C16orf89: variants seen among roughly 807,000 people sequenced by gnomAD.
C16orf89 encodes chromosome 16 open reading frame 89, also known as UPF0764 protein C16orf89.
C16orf89 carries 57 observed loss-of-function variants against 41.5 expected under a neutral mutation model. That is an observed-to-expected ratio of 1.38 (90% CI 1.11 to 1.71). The LOEUF (loss-of-function observed/expected upper bound fraction) is 1.71. Ranked by LOEUF, C16orf89 falls within the 40% of genes most tolerant of loss-of-function variation. The probability of loss-of-function intolerance (pLI) is 0.00; values close to 1 mark genes in which losing one functional copy is unlikely to be tolerated. For synonymous variants in C16orf89, 223 were observed against 190.6 expected (o/e 1.17, Z -1.40); for missense variants, 575 against 445.9 (o/e 1.29, Z -2.61).
chr16:5,054,419 C>A (rs1297554086), intron 6 of C16orf89, among the ~76,000 whole-genome samples: 1 of 152,180 alleles, frequency 6.6e-6, no homozygotes, highest in Non-Finnish European at 1.5e-5. Flanking sequence ...TGTAGTTGTT[C>A]CCAGTCACCC....
At chr16:5,056,258 A>T in intron 4 of C16orf89, 70 bp from the exon 5 acceptor site, 1 of 1,449,748 alleles carries the variant, frequency 6.9e-7, no homozygotes, top group South Asian at 1.3e-5. Context: ...CTGCTATGGG[A>T]AAGTCTTGCA....
intron 5 of C16orf89, 34 bp from the exon 6 acceptor site, chr16:5,055,384 G>A: frequency 4.6e-6 from 7 of 1,518,500 alleles, no homozygotes; most frequent in East Asian, 2.4e-5. Context: ...CTGCAGGCCT[G>A]CCCCCCAGGC....
chr16:5,062,655 C>T lies in C16orf89; in HGVS notation c.209-81G>A, dbSNP rs1013958737. 6 of 1,419,670 alleles carry T rather than the reference C, an allele frequency of 4.2e-6. No homozygotes were observed. In the Admixed American group the frequency reaches 1.1e-4, roughly 27 times the overall value. 87.9% of individuals were successfully genotyped at this position (1,419,670 alleles called of 1,614,324 possible). On this transcript the variant is annotated intron_variant, in intron 1 of 7. Coordinates refer to ENST00000472572, the MANE Select transcript of C16orf89 (RefSeq NM_001098514.3). ...CCTTGGAACAAGAAAAAAAAATGCC[C>T]CAAAGTCTAATGCTTCCTGGGAGCC...
At position 5,056,183 on chromosome 16, in the gene C16orf89, C is replaced by A. The variant is rs741164; in HGVS notation, c.633G>T (p.Gly211=). The part of the protein sequence containing the change: ...LLFFLWARMR[G]CTQGPLQQSQ... ...TCTGTTGGAGTGGTCCCTGTGTGCA[C>A]CCCCTCTGGGGAGACAAACACCCAA... Residue 211 remains glycine (G), a synonymous_variant, in exon 5 of 8, where the codon GGG becomes GGT. Transcript: ENST00000472572. 25 of 1,585,578 alleles carry A rather than the reference C, an allele frequency of 1.6e-5. 1 individual carries two copies. Among genetic ancestry groups the A allele is most frequent in the Non-Finnish European group, 1.7e-5 (20 of 1,156,412 alleles).
At chr16:5,051,413 A>G (rs1000888468) in intron 6 of C16orf89, among the ~76,000 whole-genome samples, 5 of 152,226 alleles carry the variant, frequency 3.3e-5, no homozygotes, top group African/African-American at 1.2e-4. Context: ...CCTACAATGA[A>G]CTAGCAGAAA....
Position 5,056,141 on chromosome 16 carries a change from G to T in C16orf89, c.675C>A (p.Asn225Lys). The part of the protein sequence containing the change: ...GPLQQSQDYI[N>K]LFCANMMDLN... ...AGTCCATCATGTTGGCGCAGAAGAG[G>T]TTGATATAGTCCTGGCTCTGTTGGA... Residue 225 changes from asparagine to lysine, a missense_variant, in exon 5 of 8, where the codon AAC becomes AAA. Transcript: ENST00000472572. 6.3e-7 allele frequency: 1 copy of T among 1,598,680 alleles called. No individual in the cohort carries two copies. Among genetic ancestry groups the T allele is most frequent in the South Asian group, 1.1e-5 (1 of 90,806 alleles).
At chr16:5,049,595 T>C (rs1434472450) in intron 6 of C16orf89, among the ~76,000 whole-genome samples, 1 of 152,208 alleles carries the variant, frequency 6.6e-6, no homozygotes, top group East Asian at 1.9e-4. Flanking sequence ...AACATGTTCC[T>C]GAATGACCAA....
At chr16:5,055,622 G>C in intron 5 of C16orf89, 1 of 1,444,636 alleles carries the variant, frequency 6.9e-7, no homozygotes, top group Non-Finnish European at 9.3e-7. Context: ...CAGCCAGCTA[G>C]CAGCCTCCCA....
intron 6 of C16orf89, among the ~76,000 whole-genome samples, chr16:5,054,675 T>C (rs1462106057): frequency 1.3e-5 from 2 of 152,158 alleles, no homozygotes; most frequent in African/African-American, 4.8e-5. Context: ...CATCTTGAAT[T>C]GTAGCTCCCA....
chr16:5,055,948 T>C, intron 5 of C16orf89, 105 bp downstream of exon 5: 1 of 153,630 alleles, frequency 6.5e-6, no homozygotes, highest in Non-Finnish European at 1.3e-5. Context: ...CGTGTGTGTG[T>C]GTGTGTGTGT....
chr16:5,052,858 C>G (rs1956423175), intron 6 of C16orf89, among the ~76,000 whole-genome samples: 2 of 152,128 alleles, frequency 1.3e-5, no homozygotes, highest in Non-Finnish European at 2.9e-5. Flanking sequence ...TTCACAGTAG[C>G]CAAGATACAG....
chr16:5,061,222 A>T (rs1439855200), intron 2 of C16orf89, among the ~76,000 whole-genome samples: 5 of 131,172 alleles, frequency 3.8e-5, no homozygotes, highest in African/African-American at 1.4e-4. Flanking sequence ...AGATTGCACC[A>T]CTGCACTCCA....
At chr16:5,043,594 T>C (rs17137545), downstream of C16orf89, 46,035 of 152,088 alleles carry the variant, frequency 0.3, 7,060 homozygotes, top group Middle Eastern at 0.34. Flanking sequence ...TGTGCTGCCT[T>C]TCAGGGTTAT....
At chr16:5,065,126 G>C (rs1239856167) in intron 1 of C16orf89, among the ~76,000 whole-genome samples, 3 of 152,020 alleles carry the variant, frequency 2.0e-5, no homozygotes, top group Non-Finnish European at 4.4e-5. Flanking sequence ...GTGTGTGCGT[G>C]CGTGCATGTG....
chr16:5,056,228 A>C, intron 4 of C16orf89, 40 bp from the exon 5 acceptor site: 1 of 1,551,372 alleles, frequency 6.4e-7, no homozygotes, highest in Non-Finnish European at 8.8e-7. Context: ...AGTCAGTGGT[A>C]CAGATGACAG....
intron 2 of C16orf89, 72 bp downstream of exon 2, chr16:5,062,353 C>G: frequency 1.3e-6 from 2 of 1,491,402 alleles, no homozygotes; most frequent in African/African-American, 1.4e-5. Context: ...GGAGAGCCCA[C>G]GCTGGGTTAT....
At chr16:5,053,110 C>T (rs756753588) in intron 6 of C16orf89, among the ~76,000 whole-genome samples, 1 of 152,146 alleles carries the variant, frequency 6.6e-6, no homozygotes, top group Non-Finnish European at 1.5e-5. Context: ...GGCAGGGTGC[C>T]TGTAATCCCA....
intron 2 of C16orf89, 113 bp from the exon 3 acceptor site, chr16:5,060,549 A>C: frequency 2.6e-6 from 3 of 1,147,120 alleles, no homozygotes; most frequent in Non-Finnish European, 3.7e-6. Context: ...GGTGCAGCTC[A>C]GGGCTCTAAG....
intron 6 of C16orf89, among the ~76,000 whole-genome samples, chr16:5,052,110 AAAAAAAAAAAGAAGG>A (rs1956408692): frequency 6.6e-6 from 1 of 151,456 alleles, no homozygotes; most frequent in Admixed American, 6.6e-5. Context: ...AAAAAAAAAA[AAAAAAAAAAAGAAGG>A]AAAAAGAAAA....
Sources: gnomAD v4.1 joint callset for allele counts (sites outside exome capture counted in the v4.1 genomes callset) on GRCh38, gnomAD v4.1.1 for gene constraint, MANE v1.5 for transcripts, NCBI Gene and HGNC (gene_info 2026-07-23, HGNC 2026-07-21) for gene names.